COL22A1: variants seen among roughly 807,000 people sequenced by gnomAD.
The protein encoded by COL22A1 is collagen type XXII alpha 1 chain.
COL22A1 carries 221 observed loss-of-function variants against 248.9 expected under a neutral mutation model. The observed-to-expected ratio is 0.89, with a 90% CI of 0.80 to 0.99. The LOEUF (loss-of-function observed/expected upper bound fraction) is 0.99, where lower values mean the gene tolerates loss of function less well. Ranked by LOEUF, COL22A1 falls within the 50% of genes least tolerant of loss-of-function variation. The pLI is 0.00. For missense variants in COL22A1, 2,240 were observed against 2,179.0 expected (o/e 1.03, Z -0.56); for synonymous variants, 891 against 793.4 (o/e 1.12, Z -2.07).
At chr8:138,911,363 C>A (rs1351063927) in intron 1 of COL22A1, among the ~76,000 whole-genome samples, 2 of 152,212 alleles carry the variant, frequency 1.3e-5, no homozygotes, top group South Asian at 4.1e-4. Flanking sequence ...TCCACATAAG[C>A]TATGACTTCT....
At chr8:138,663,556 G>A in intron 42 of COL22A1, 149 bp downstream of exon 42, 1 of 670,222 alleles carries the variant, frequency 1.5e-6, no homozygotes. Flanking sequence ...ACAGGTCAGA[G>A]TTCATAGGTT....
At chr8:138,735,667 G>A (rs1831051669) in intron 23 of COL22A1, among the ~76,000 whole-genome samples, 1 of 152,134 alleles carries the variant, frequency 6.6e-6, no homozygotes, top group Admixed American at 6.5e-5. Context: ...ATAGCAAAAT[G>A]CCACAGTGAA....
chr8:138,878,427 C>T, intron 2 of COL22A1, 111 bp from the exon 3 acceptor site: 1 of 945,150 alleles, frequency 1.1e-6, no homozygotes, highest in Non-Finnish European at 1.5e-6. Flanking sequence ...ACCTACCTGC[C>T]CTGTCTCTCA....
chr8:138,870,267 T>C (rs1823223181), intron 3 of COL22A1, among the ~76,000 whole-genome samples: 1 of 151,864 alleles, frequency 6.6e-6, no homozygotes, highest in Admixed American at 6.6e-5. Flanking sequence ...GTGCTGTTTG[T>C]ATATGTGGTG....
At chr8:138,640,341 A>C (rs1821568806) in intron 47 of COL22A1, among the ~76,000 whole-genome samples, 1 of 152,196 alleles carries the variant, frequency 6.6e-6, no homozygotes, top group African/African-American at 2.4e-5. Context: ...GAACACACTG[A>C]ACAGGCAATT....
chr8:138,752,622 T>C (rs183785538), intron 21 of COL22A1, among the ~76,000 whole-genome samples: 3 of 152,340 alleles, frequency 2.0e-5, no homozygotes, highest in Admixed American at 2.0e-4. Context: ...GGCCCTTTAG[T>C]GACTCCATGA....
intron 22 of COL22A1, among the ~76,000 whole-genome samples, chr8:138,738,820 C>T (rs974314840): frequency 1.3e-5 from 2 of 152,176 alleles, no homozygotes; most frequent in African/African-American, 4.8e-5. Flanking sequence ...TCGTCCTCTC[C>T]TCTCATTCAG....
chr8:138,869,504 T>A (rs1322731827), intron 3 of COL22A1, among the ~76,000 whole-genome samples: 1 of 151,996 alleles, frequency 6.6e-6, no homozygotes, highest in Admixed American at 6.6e-5. Context: ...GAGGCAGGAG[T>A]CAGTGACCCA....
intron 62 of COL22A1, among the ~76,000 whole-genome samples, chr8:138,594,604 C>T (rs908305838): frequency 2.7e-4 from 41 of 152,150 alleles, no homozygotes; most frequent in Admixed American, 1.9e-3. Flanking sequence ...ACAAAGAAAC[C>T]GCACCCTACC....
intron 4 of COL22A1, 46 bp downstream of exon 4, chr8:138,844,038 A>C (rs199649350): frequency 6.4e-7 from 1 of 1,555,720 alleles, no homozygotes; most frequent in East Asian, 2.2e-5. Flanking sequence ...AGGCTCAGCA[A>C]ATCATACACC....
rs73721908 is a variant in COL22A1, at chr8:138,651,434, G to A, written c.3334-1656C>T. On this transcript the variant is annotated intron_variant, in intron 45 of 64. Transcript: ENST00000303045. ...CAACTAACTAACCAACTGACTGACC[G>A]ATCAACCAATTAACTGTCCACCTGA... Among the ~76,000 whole-genome samples, 747 of 152,292 alleles carry A rather than the reference G, an allele frequency of 4.9e-3. 4 individuals are homozygous for A. The highest frequency in any genetic ancestry group is 0.016 in the African/African-American group (668 of 41,574).
intron 8 of COL22A1, among the ~76,000 whole-genome samples, 172 bp from the exon 9 acceptor site, chr8:138,812,093 C>T (rs1217113125): frequency 3.3e-5 from 5 of 152,228 alleles, no homozygotes; most frequent in Admixed American, 3.3e-4. Context: ...CCAGGCTCAG[C>T]CATTTCACTG....
At chr8:138,653,565 T>C (rs1212893416) in intron 45 of COL22A1, among the ~76,000 whole-genome samples, 1 of 152,150 alleles carries the variant, frequency 6.6e-6, no homozygotes, top group Non-Finnish European at 1.5e-5. Context: ...ATATAATATT[T>C]CTGCAAGGGT....
At position 138,847,407 on chromosome 8, in the gene COL22A1, T is replaced by C. The variant is rs539164593; in HGVS notation, c.659-3249A>G. On this transcript the variant is annotated intron_variant, in intron 3 of 64. Transcript: ENST00000303045. ...GGCATCATTTGTTATCAGCCCCATATCCATTTCCCACTTCTTTGTTGCTAA... is the reference window on the plus strand; with the variant it reads ...GGCATCATTTGTTATCAGCCCCATACCCATTTCCCACTTCTTTGTTGCTAA... 1.1e-4 allele frequency among the ~76,000 whole-genome samples: 16 copies of C among 152,274 alleles called. No homozygotes were observed. The South Asian group carries it at 3.1e-3, about 30-fold the overall frequency.
At chr8:138,595,560 G>A (rs548105783) in intron 62 of COL22A1, among the ~76,000 whole-genome samples, 21 of 152,026 alleles carry the variant, frequency 1.4e-4, no homozygotes, top group Admixed American at 6.5e-4. Context: ...TCCTCTCATC[G>A]CCTCCTTCTC....
At chr8:138,664,626 C>A (rs1343227511) in intron 41 of COL22A1, among the ~76,000 whole-genome samples, 2 of 152,146 alleles carry the variant, frequency 1.3e-5, no homozygotes, top group African/African-American at 4.8e-5. Flanking sequence ...TTGTTACTGC[C>A]TGTTGGTCCA....
At chr8:138,837,460 CACCTGAACAGG>C (rs932247307) in intron 4 of COL22A1, among the ~76,000 whole-genome samples, 5 of 152,242 alleles carry the variant, frequency 3.3e-5, no homozygotes, top group African/African-American at 9.6e-5. Flanking sequence ...GCCCCCAGCC[CACCTGAACAGG>C]ACCTCAATGC....
chr8:138,623,806 G>C, intron 51 of COL22A1, 21 bp from the exon 52 acceptor site: 1 of 1,608,114 alleles, frequency 6.2e-7, no homozygotes, highest in Non-Finnish European at 8.5e-7. Context: ...AACTCAAATT[G>C]GTTATCAGGT....
At chr8:138,891,668 A>G (rs1185389839) in intron 1 of COL22A1, among the ~76,000 whole-genome samples, 1 of 152,182 alleles carries the variant, frequency 6.6e-6, no homozygotes, top group Non-Finnish European at 1.5e-5. Context: ...CAAACAATCT[A>G]ACCATAGGTC....
Sources: gnomAD v4.1 joint callset for allele counts (sites outside exome capture counted in the v4.1 genomes callset) on GRCh38, gnomAD v4.1.1 for gene constraint, MANE v1.5 for transcripts, NCBI Gene and HGNC (gene_info 2026-07-23, HGNC 2026-07-21) for gene names.